Variants in TMEM131L observed in about 807,000 individuals in gnomAD.
The protein encoded by TMEM131L is transmembrane protein 131-like.
In TMEM131L, 54 loss-of-function variants were observed where a neutral mutation model predicts 192.2. The ratio of observed to expected loss-of-function variants is 0.28; its 90% CI spans 0.23 to 0.35. TMEM131L has a LOEUF of 0.35. Ranked by LOEUF, TMEM131L falls within the 10% of genes least tolerant of loss-of-function variation. The probability of loss-of-function intolerance (pLI) is 1.00; values close to 1 mark genes in which losing one functional copy is unlikely to be tolerated. For missense variants in TMEM131L, 1,888 were observed against 1,972.9 expected, an observed-to-expected ratio of 0.96 and a Z score of 0.82; for synonymous variants, 701 against 704.9, an observed-to-expected ratio of 0.99 and a Z score of 0.09.
At chr4:153,506,438 G>A (rs1333197109) in intron 3 of TMEM131L, among the ~76,000 whole-genome samples, 1 of 152,178 alleles carries the variant, frequency 6.6e-6, no homozygotes, top group Non-Finnish European at 1.5e-5. Flanking sequence ...CAAGAATAGA[G>A]AAACAGTTTA....
At chr4:153,475,620 C>T (rs770023647) in intron 3 of TMEM131L, among the ~76,000 whole-genome samples, 5 of 152,018 alleles carry the variant, frequency 3.3e-5, no homozygotes, top group South Asian at 2.1e-4. Flanking sequence ...TGTATGCAGT[C>T]GGCCCTCTGT....
intron 7 of TMEM131L, among the ~76,000 whole-genome samples, chr4:153,577,250 C>T (rs111760560): frequency 2.0e-5 from 3 of 152,198 alleles, no homozygotes; most frequent in Non-Finnish European, 2.9e-5. Flanking sequence ...AGTTTTATAG[C>T]GACAGCAGAG....
intron 3 of TMEM131L, among the ~76,000 whole-genome samples, chr4:153,512,019 G>A (rs1348498637): frequency 6.6e-6 from 1 of 152,146 alleles, no homozygotes; most frequent in Non-Finnish European, 1.5e-5. Context: ...TAACAAGATG[G>A]AATACTGTGG....
At chr4:153,509,161 A>G (rs1043860102) in intron 3 of TMEM131L, among the ~76,000 whole-genome samples, 1 of 151,678 alleles carries the variant, frequency 6.6e-6, no homozygotes, top group African/African-American at 2.4e-5. Context: ...CCTGGGCAAC[A>G]TGGTGAAACC....
chr4:153,466,507 G>T lies in TMEM131L; in HGVS notation c.110G>T (p.Gly37Val). Reference sequence around the variant, plus strand: ...CTGCTGCCCTGCTGTCGCCCGGGAGGGGCTCAGGGACAAGGTCAGCCTTGC... The same window carrying T: ...CTGCTGCCCTGCTGTCGCCCGGGAGTGGCTCAGGGACAAGGTCAGCCTTGC... ...QVLLPCCRPG[G>V]AQGQAIEPLP... Residue 37 changes from glycine (G) to valine (V), a missense_variant, in exon 1 of 35, where the codon GGG (glycine) becomes GTG (valine). By Grantham distance (109) the Gly-to-Val change is moderately radical (BLOSUM62 -3). Transcript: ENST00000409959. 1 of 1,401,668 alleles carries T rather than the reference G, an allele frequency of 7.1e-7. No individual in the cohort carries two copies. The highest frequency in any genetic ancestry group is 9.4e-7 in the Non-Finnish European group (1 of 1,068,332). The allele number at this position is 1,401,668 out of a possible 1,614,324, so 86.8% of individuals were successfully genotyped here. A position where few individuals can be genotyped will look rare whatever the true frequency, so the allele number is the denominator to read the frequency against.
chr4:153,591,398 ATGTGTC>A (rs1485046164), intron 17 of TMEM131L, among the ~76,000 whole-genome samples: 9 of 152,212 alleles, frequency 5.9e-5, no homozygotes, highest in Admixed American at 5.9e-4. Context: ...CCCTCCATAA[ATGTGTC>A]AGTTAAGAAA....
rs762543957 is a variant in TMEM131L at position 153,604,245 on chromosome 4, A to G, written c.3233A>G (p.Glu1078Gly). 76 of 1,614,002 alleles carry G rather than the reference A, an allele frequency of 4.7e-5. No individual in the cohort carries two copies. The highest frequency in any genetic ancestry group is 6.3e-5 in the Non-Finnish European group (74 of 1,179,986). Residue 1078 changes from glutamate (E) to glycine (G), a missense_variant, in exon 25 of 35, where the codon GAG becomes GGG. By Grantham distance (98) the Glu-to-Gly change is moderately conservative. Transcript: ENST00000409959. The stretch of plus-strand genomic sequence containing the variant: ...CCTTCTTCAGAATGTAGTATGAAGG[A>G]GGGAATACAGACATGTATGTTTCCT... ...SNPSSECSMKEGIQTCMFPKE... is the reference protein window; with the variant it reads ...SNPSSECSMKGGIQTCMFPKE...
chr4:153,491,490 C>T (rs953954800), intron 3 of TMEM131L, among the ~76,000 whole-genome samples: 2 of 151,506 alleles, frequency 1.3e-5, no homozygotes, highest in African/African-American at 4.9e-5. Flanking sequence ...TTTTTTGTTG[C>T]TCTGTAATCA....
chr4:153,622,084 A>G (rs1396380045), intron 28 of TMEM131L, among the ~76,000 whole-genome samples: 5 of 152,156 alleles, frequency 3.3e-5, no homozygotes, highest in Admixed American at 6.5e-5. Flanking sequence ...AGTCGCAACT[A>G]TCCTCAGGCA....
intron 25 of TMEM131L, among the ~76,000 whole-genome samples, chr4:153,606,073 C>G (rs1222759719): frequency 6.6e-6 from 1 of 152,144 alleles, no homozygotes; most frequent in Non-Finnish European, 1.5e-5. Flanking sequence ...GCAGTTCACC[C>G]AGATCTTCAA....
Position 153,581,062 on chromosome 4 carries a change from G to A in TMEM131L, c.738+159G>A, listed in dbSNP as rs1730302689. Among the ~76,000 whole-genome samples the A allele has an allele frequency of 2.6e-5, 4 of 152,186 alleles. No homozygotes were observed. The South Asian group carries it at 8.3e-4, about 31-fold the overall frequency. On this transcript the variant is annotated intron_variant, in intron 8 of 34. Transcript: ENST00000409959. ...AGGTCAGGAGATTGAGACCATCCTG[G>A]CTAACACGGTGAAACTCCGTCTCTA...
intron 3 of TMEM131L, among the ~76,000 whole-genome samples, chr4:153,516,638 T>C (rs1297728333): frequency 6.6e-6 from 1 of 152,158 alleles, no homozygotes; most frequent in East Asian, 1.9e-4. Context: ...GATACATTAC[T>C]AGAACTGGAA....
intron 4 of TMEM131L, among the ~76,000 whole-genome samples, chr4:153,553,068 C>T (rs929386483): frequency 1.3e-4 from 19 of 151,756 alleles, no homozygotes; most frequent in Non-Finnish European, 1.9e-4. Context: ...TCCTAATAGT[C>T]GCATGCTGAG....
In TMEM131L at chr4:153,587,769, G is replaced by C. The variant is rs760744075; in HGVS notation, c.1510G>C (p.Ala504Pro). Residue 504 changes from alanine (A) to proline (P), a missense_variant, in exon 15 of 35, where the codon GCA becomes CCA. Transcript: ENST00000409959. ...KEGSLGFEVIAHCGMHYFMGK... is the reference protein window; with the variant it reads ...KEGSLGFEVIPHCGMHYFMGK... ...AGGGAGTCTGGGTTTTGAAGTGATA[G>C]CACATTGTGGCATGCATTATTTCAT... 4 of 1,613,472 alleles carry C rather than the reference G, an allele frequency of 2.5e-6. No individual in the cohort carries two copies. Among genetic ancestry groups the C allele is most frequent in the Non-Finnish European group, 3.4e-6 (4 of 1,179,438 alleles).
intron 3 of TMEM131L, among the ~76,000 whole-genome samples, chr4:153,538,793 G>A (rs1229119370): frequency 1.3e-5 from 2 of 152,192 alleles, no homozygotes; most frequent in Admixed American, 6.5e-5. Flanking sequence ...CTGCAGATAT[G>A]CAGCCGCTGG....
intron 7 of TMEM131L, among the ~76,000 whole-genome samples, chr4:153,567,760 C>G (rs1729321931): frequency 6.6e-6 from 1 of 152,120 alleles, no homozygotes; most frequent in Non-Finnish European, 1.5e-5. Context: ...CCTGGCTGGT[C>G]TCGAACTTCT....
chr4:153,475,828 G>C (rs1384445801), intron 3 of TMEM131L, among the ~76,000 whole-genome samples: 1 of 152,300 alleles, frequency 6.6e-6, no homozygotes, highest in East Asian at 1.9e-4. Context: ...AGGAGGATGT[G>C]CATAGGTTAT....
chr4:153,589,916 A>G (rs1280013784), intron 16 of TMEM131L, among the ~76,000 whole-genome samples: 1 of 152,240 alleles, frequency 6.6e-6, no homozygotes, highest in Non-Finnish European at 1.5e-5. Flanking sequence ...TGAGCTGTAG[A>G]TGTCATACTT....
intron 3 of TMEM131L, among the ~76,000 whole-genome samples, chr4:153,549,278 A>G (rs559554596): frequency 6.6e-6 from 1 of 152,286 alleles, no homozygotes; most frequent in South Asian, 2.1e-4. Context: ...AAAAGATTCT[A>G]TTTTGGAAAG....
Sources: gnomAD v4.1 joint callset for allele counts (sites outside exome capture counted in the v4.1 genomes callset) on GRCh38, gnomAD v4.1.1 for gene constraint, MANE v1.5 for transcripts, NCBI Gene and HGNC (gene_info 2026-07-23, HGNC 2026-07-21) for gene names.